Variants in AFG2A observed in about 807,000 individuals in gnomAD.
AFG2A encodes AAA ATPase AFG2A.
the AFG2A span, among the ~76,000 whole-genome samples, chr4:122,977,253 T>G: frequency 6.6e-6 from 1 of 152,184 alleles, no homozygotes; most frequent in African/African-American, 2.4e-5. Context: ...CAGCAGGCTG[T>G]ACTTGGCTTG....
At chr4:122,944,327 G>A in the AFG2A span, among the ~76,000 whole-genome samples, 1 of 151,980 alleles carries the variant, frequency 6.6e-6, no homozygotes, top group East Asian at 1.9e-4. Context: ...TGGATGCTTT[G>A]TTTGTTTCTT....
the AFG2A span, among the ~76,000 whole-genome samples, chr4:123,071,250 GCGGGTGGATCA>G: frequency 4.6e-5 from 7 of 152,302 alleles, no homozygotes; most frequent in East Asian, 1.2e-3. Context: ...GGAGGCCAAG[GCGGGTGGATCA>G]CCTAAGGTCA....
At chr4:123,126,476 G>A in the AFG2A span, among the ~76,000 whole-genome samples, 1 of 152,144 alleles carries the variant, frequency 6.6e-6, no homozygotes, top group Non-Finnish European at 1.5e-5. Context: ...AGGTCAGAGA[G>A]ATTGATACAG....
At chr4:123,093,216 C>T in the AFG2A span, among the ~76,000 whole-genome samples, 121 of 152,178 alleles carry the variant, frequency 8.0e-4, no homozygotes, top group South Asian at 2.9e-3. Flanking sequence ...TGGTACTGCC[C>T]GTTGTGGTGC....
the AFG2A span, chr4:122,938,089 A>G: frequency 6.5e-7 from 1 of 1,540,562 alleles, no homozygotes; most frequent in Non-Finnish European, 8.7e-7. Flanking sequence ...AAAATCAAAT[A>G]TAGATGAGAG....
the AFG2A span, among the ~76,000 whole-genome samples, chr4:123,241,290 G>C: frequency 2.0e-5 from 3 of 151,956 alleles, no homozygotes; most frequent in East Asian, 5.8e-4. Context: ...TATGAGGCCA[G>C]CATCATCCTA....
At chr4:122,927,656 A>C in the AFG2A span, 2 of 1,610,868 alleles carry the variant, frequency 1.2e-6, no homozygotes, top group Non-Finnish European at 1.7e-6. Flanking sequence ...TTCCTAAAAC[A>C]TTCCAGAATT....
the AFG2A span, among the ~76,000 whole-genome samples, chr4:123,147,525 T>A: frequency 6.6e-6 from 1 of 152,188 alleles, no homozygotes; most frequent in Non-Finnish European, 1.5e-5. Context: ...TCAGTTGTTA[T>A]CTGTCATCAT....
the AFG2A span, among the ~76,000 whole-genome samples, chr4:123,297,352 A>C: frequency 6.6e-6 from 1 of 152,178 alleles, no homozygotes; most frequent in Non-Finnish European, 1.5e-5. Context: ...ATTTTGGATG[A>C]TATCTGTGGC....
chr4:123,173,975 G>GA, the AFG2A span, among the ~76,000 whole-genome samples: 9 of 149,964 alleles, frequency 6.0e-5, no homozygotes, highest in African/African-American at 9.8e-5. Context: ...AGTCCAATAA[G>GA]AAAAAAAAAG....
the AFG2A span, among the ~76,000 whole-genome samples, chr4:123,076,006 C>T: frequency 0.014 from 2,050 of 151,416 alleles, 52 homozygotes; most frequent in African/African-American, 0.047. Context: ...AAAGAAAGCT[C>T]CCTGAACTGG....
chr4:123,025,196 A>T, the AFG2A span, among the ~76,000 whole-genome samples: 1 of 152,198 alleles, frequency 6.6e-6, no homozygotes, highest in Non-Finnish European at 1.5e-5. Context: ...AAAAGATTGC[A>T]TTTAATCTTT....
At chr4:123,073,737 A>G in the AFG2A span, among the ~76,000 whole-genome samples, 1 of 152,232 alleles carries the variant, frequency 6.6e-6, no homozygotes, top group Non-Finnish European at 1.5e-5. Flanking sequence ...AACTAAAGAA[A>G]AGGAAAGGCA....
At chr4:122,968,412 C>A in the AFG2A span, among the ~76,000 whole-genome samples, 2,564 of 152,300 alleles carry the variant, frequency 0.017, 26 homozygotes, top group Middle Eastern at 0.078. Flanking sequence ...TTACTAGCTT[C>A]CTGGTACCTC....
chr4:123,267,378 G>T, the AFG2A span, among the ~76,000 whole-genome samples: 1 of 151,826 alleles, frequency 6.6e-6, no homozygotes, highest in Non-Finnish European at 1.5e-5. Context: ...TTAAATTCTG[G>T]AAAATGGGTT....
the AFG2A span, among the ~76,000 whole-genome samples, chr4:123,144,592 A>G: frequency 6.6e-6 from 1 of 152,118 alleles, no homozygotes; most frequent in East Asian, 1.9e-4. Flanking sequence ...ACAGTAATTA[A>G]AAAGCTCCAT....
the AFG2A span, among the ~76,000 whole-genome samples, chr4:123,227,260 A>AT: frequency 1.3e-5 from 2 of 151,900 alleles, no homozygotes; most frequent in Non-Finnish European, 2.9e-5. Flanking sequence ...TAGCTTTTGA[A>AT]TGTGTTTGCT....
chr4:123,041,198 C>T, the AFG2A span, among the ~76,000 whole-genome samples: 1 of 151,658 alleles, frequency 6.6e-6, no homozygotes, highest in East Asian at 1.9e-4. Flanking sequence ...GCAAGCTCCA[C>T]CTCCCGGGTT....
At chr4:123,179,307 CTACTTACTTACT>C in the AFG2A span, among the ~76,000 whole-genome samples, 18,905 of 149,576 alleles carry the variant, frequency 0.13, 2,528 homozygotes, top group African/African-American at 0.34. Context: ...CTCACACATA[CTACTTACTTACT>C]TACTTACTTA....
Sources: allele counts gnomAD v4.1 joint callset (sites outside exome capture counted in the v4.1 genomes callset), GRCh38; gene constraint gnomAD v4.1.1; transcripts MANE v1.5; gene names NCBI Gene and HGNC (gene_info 2026-07-23, HGNC 2026-07-21).